The following ROS1 variants were observed in gnomAD, a reference collection of about 807,000 sequenced individuals.
The protein encoded by ROS1 is proto-oncogene tyrosine-protein kinase ROS.
In ROS1, 263 loss-of-function variants were observed where a neutral mutation model predicts 273.5. The ratio of observed to expected loss-of-function variants is 0.96; its 90% CI spans 0.87 to 1.06. The LOEUF is 1.06. ROS1 is among the 50% of genes least tolerant of loss of function. ROS1 has a pLI of 0.00. For synonymous variants in ROS1, 1,008 were observed against 954.1 expected (o/e 1.06, Z -1.04); for missense variants, 2,833 against 2,751.1 (o/e 1.03, Z -0.67).
At chr6:117,395,859 G>T (rs3798386) in intron 9 of ROS1, among the ~76,000 whole-genome samples, 9,789 of 152,098 alleles carry the variant, frequency 0.064, 383 homozygotes, top group Middle Eastern at 0.099. Context: ...GGGCAGAAAA[G>T]TTATATGTAT....
rs1582634905 is a variant in ROS1, at chr6:117,328,719, T to A, written c.5348+610A>T. 8.1e-6 allele frequency: 5 copies of A among 613,698 alleles called. No homozygotes were observed. The East Asian group carries it at 1.7e-4, about 21-fold the overall frequency. 38.0% of individuals were successfully genotyped at this position (613,698 alleles called of 1,614,324 possible). On this transcript the variant is annotated intron_variant, in intron 33 of 43. Transcript: ENST00000368507. ...CCTCAAGTTGGCATGAAATCAGTCC[T>A]TCTAAGCCAGTTATGGTTCACGTGC...
intron 26 of ROS1, 144 bp from the exon 27 acceptor site, chr6:117,353,310 G>A (rs1779035667): frequency 1.6e-6 from 1 of 619,478 alleles, no homozygotes; most frequent in African/African-American, 1.9e-5. Context: ...TTTATTTTAT[G>A]TCATTTGACT....
intron 1 of ROS1, among the ~76,000 whole-genome samples, chr6:117,418,946 A>C (rs888459953): frequency 6.6e-6 from 1 of 152,196 alleles, no homozygotes; most frequent in Non-Finnish European, 1.5e-5. Context: ...AATTTTAAGA[A>C]CTTTTTTATA....
At chr6:117,360,113 CT>C in intron 23 of ROS1, 102 bp from the exon 24 acceptor site, 1 of 900,706 alleles carries the variant, frequency 1.1e-6, no homozygotes, top group Non-Finnish European at 1.7e-6. Flanking sequence ...CATGGGCTCC[CT>C]TTGGTTCCTC....
intron 39 of ROS1, among the ~76,000 whole-genome samples, chr6:117,315,933 C>T (rs1305806249): frequency 6.6e-6 from 1 of 151,906 alleles, no homozygotes; most frequent in Non-Finnish European, 1.5e-5. Flanking sequence ...GGGGAGTTTA[C>T]GTATATAAAA....
intron 39 of ROS1, 71 bp from the exon 40 acceptor site, chr6:117,311,188 T>C: frequency 1.2e-6 from 1 of 814,590 alleles, no homozygotes; most frequent in Non-Finnish European, 2.0e-6. Context: ...TATGTGTGAA[T>C]ATAAGTGGAT....
At chr6:117,306,157 A>AT (rs1775087478) in intron 42 of ROS1, among the ~76,000 whole-genome samples, 1 of 151,548 alleles carries the variant, frequency 6.6e-6, no homozygotes, top group Non-Finnish European at 1.5e-5. Flanking sequence ...ACGTCATAGT[A>AT]TTTTTCAGTA....
At chr6:117,306,663 T>C (rs1321390691) in intron 42 of ROS1, among the ~76,000 whole-genome samples, 1 of 152,164 alleles carries the variant, frequency 6.6e-6, no homozygotes, top group African/African-American at 2.4e-5. Context: ...ATGGAAGGTG[T>C]AGCAGGGCTC....
rs576020980 is a variant in ROS1 at position 117,414,867 on chromosome 6, A to G, written c.229-322T>C. ...GAGTATTTGCAAATGCCAAAGGTAA[A>G]TAGAACAGGAAATGAAAACCACCAA... is the stretch of plus-strand genomic sequence containing the variant. On this transcript the variant is annotated intron_variant, in intron 3 of 43. Coordinates refer to ENST00000368507, the MANE Select transcript of ROS1 (RefSeq NM_001378902.1). 8.1e-4 allele frequency among the ~76,000 whole-genome samples: 123 copies of G among 152,372 alleles called. 1 individual carries two copies. The highest frequency in any genetic ancestry group is 5.3e-3 in the Admixed American group (81 of 15,306).
At chr6:117,414,494 A>G in intron 4 of ROS1, 25 bp downstream of exon 4, 4 of 744,600 alleles carry the variant, frequency 5.4e-6, no homozygotes, top group Non-Finnish European at 9.8e-6. Flanking sequence ...GCTTGATTAC[A>G]TCTTTTTTGT....
At chr6:117,405,135 G>C (rs2128728060) in intron 5 of ROS1, among the ~76,000 whole-genome samples, 1 of 152,218 alleles carries the variant, frequency 6.6e-6, no homozygotes, top group Non-Finnish European at 1.5e-5. Flanking sequence ...TTCTTTTATA[G>C]AAACAAAATC....
chr6:117,377,900 T>C (rs1582789292), intron 18 of ROS1, among the ~76,000 whole-genome samples: 1 of 152,062 alleles, frequency 6.6e-6, no homozygotes, highest in Non-Finnish European at 1.5e-5. Flanking sequence ...AAAGAAGATA[T>C]ATAAATGGCT....
intron 32 of ROS1, among the ~76,000 whole-genome samples, chr6:117,334,366 A>G (rs1777310976): frequency 6.6e-6 from 1 of 152,202 alleles, no homozygotes; most frequent in Non-Finnish European, 1.5e-5. Context: ...AAATGGAAAA[A>G]CATTCCATCC....
rs2128536912 is a variant in ROS1 at position 117,301,060 on chromosome 6, T to A, written c.6629A>T (p.Gln2210Leu). The change falls in exon 43 of 44, where the codon CAG becomes CTG. Residue 2210 changes from glutamine (Q) to leucine (L), a missense_variant. Gln to Leu is a moderately radical substitution (Grantham distance 113, BLOSUM62 -2). Coordinates refer to ENST00000368507, the MANE Select transcript of ROS1 (RefSeq NM_001378902.1). Reference protein sequence around the residue: ...PTFHRIQDQLQLFRNFFLNSI... With the variant: ...PTFHRIQDQLLLFRNFFLNSI... ...ATTTAAGAAAAAATTTCTGAATAAC[T>A]GAAGTTGGTCCTGAATTCTATGAAA... The A allele has an allele frequency of 6.2e-7, 1 of 1,608,178 alleles. No homozygotes were observed. The highest frequency in any genetic ancestry group is 2.2e-5 in the East Asian group (1 of 44,612).
intron 26 of ROS1, among the ~76,000 whole-genome samples, chr6:117,356,403 T>G (rs1441760370): frequency 6.6e-6 from 1 of 152,272 alleles, no homozygotes; most frequent in Non-Finnish European, 1.5e-5. Context: ...TGTAGCTCTA[T>G]TGTTAATTAC....
intron 35 of ROS1, among the ~76,000 whole-genome samples, chr6:117,322,977 C>T (rs1281640747): frequency 1.3e-5 from 2 of 152,128 alleles, no homozygotes; most frequent in Non-Finnish European, 2.9e-5. Context: ...TACAAGAAAG[C>T]AAGCAAAGGT....
At chr6:117,362,416 A>C (rs1779878554) in intron 22 of ROS1, among the ~76,000 whole-genome samples, 187 bp downstream of exon 22, 2 of 152,072 alleles carry the variant, frequency 1.3e-5, no homozygotes, top group Non-Finnish European at 1.5e-5. Flanking sequence ...TTAACAGTTT[A>C]CTTTAGTCAC....
intron 33 of ROS1, chr6:117,328,697 C>T (rs2128590701): frequency 1.6e-6 from 1 of 608,766 alleles, no homozygotes; most frequent in Non-Finnish European, 3.3e-6. Context: ...ATTCTCCCCT[C>T]AAGTTGGCAT....
intron 16 of ROS1, 53 bp from the exon 17 acceptor site, chr6:117,383,561 T>G (rs1191834750): frequency 3.9e-6 from 5 of 1,293,266 alleles, no homozygotes; most frequent in Non-Finnish European, 5.6e-6. Context: ...ACATTATTAT[T>G]TCTGAATATT....
Sources: gnomAD v4.1 joint callset for allele counts (sites outside exome capture counted in the v4.1 genomes callset) on GRCh38, gnomAD v4.1.1 for gene constraint, MANE v1.5 for transcripts, NCBI Gene and HGNC (gene_info 2026-07-23, HGNC 2026-07-21) for gene names.